The following EPB41L1 variants were observed in gnomAD, a reference collection of about 807,000 sequenced individuals.
The protein encoded by EPB41L1 is erythrocyte membrane protein band 4.1 like 1.
In EPB41L1, 29 loss-of-function variants were observed where a neutral mutation model predicts 97.8. That is an observed-to-expected ratio of 0.30 (90% CI 0.22 to 0.40). EPB41L1 has a LOEUF of 0.40. EPB41L1 is among the 10% of genes least tolerant of loss of function. EPB41L1 has a pLI of 1.00. For synonymous variants in EPB41L1, 383 were observed against 459.2 expected (o/e 0.83, Z 2.12); for missense variants, 812 against 1,162.3 (o/e 0.70, Z 4.38).
chr20:36,194,305 G>A lies in EPB41L1; in HGVS notation c.1394G>A (p.Arg465Gln), dbSNP rs371544808. Reference sequence around the variant, plus strand: ...GAGGATGGCGAGTCTGGGGGGCAACGGTCAGAGGCTGAGGAGGGAGAGGTC... The same window carrying A: ...GAGGATGGCGAGTCTGGGGGGCAACAGTCAGAGGCTGAGGAGGGAGAGGTC... ...RDEDGESGGQ[R>Q]SEAEEGEVRT... Residue 465 changes from arginine to glutamine, a missense_variant, in exon 12 of 22, where the codon CGG becomes CAG. Transcript: ENST00000338074. 1.3e-4 allele frequency: 210 copies of A among 1,613,972 alleles called. No homozygotes were observed. The highest frequency in any genetic ancestry group is 8.2e-4 in the South Asian group (75 of 91,060).
At chr20:36,229,203 G>C (rs2064367283) in intron 21 of EPB41L1, 129 bp from the exon 22 acceptor site, 8 of 769,906 alleles carry the variant, frequency 1.0e-5, no homozygotes, top group Admixed American at 2.1e-5. Context: ...ATATGGTAAA[G>C]GGTAGCAAAA....
chr20:36,143,324 C>A (rs2059714864), intron 2 of EPB41L1, among the ~76,000 whole-genome samples: 1 of 151,872 alleles, frequency 6.6e-6, no homozygotes, highest in Non-Finnish European at 1.5e-5. Flanking sequence ...GTGGGGGTAG[C>A]AGTATTTTTC....
intron 3 of EPB41L1, among the ~76,000 whole-genome samples, chr20:36,177,516 A>G (rs2061297439): frequency 6.6e-6 from 1 of 152,178 alleles, no homozygotes. Context: ...CTGAGCCCCA[A>G]GCCCTCCCCT....
chr20:36,149,073 G>A (rs1416761806), intron 2 of EPB41L1, among the ~76,000 whole-genome samples: 1 of 152,180 alleles, frequency 6.6e-6, no homozygotes, highest in Non-Finnish European at 1.5e-5. Flanking sequence ...CTTGGAGCAT[G>A]CCAGCACCAA....
intron 1 of EPB41L1, among the ~76,000 whole-genome samples, chr20:36,099,844 C>G (rs1483161655): frequency 6.6e-6 from 1 of 152,200 alleles, no homozygotes; most frequent in East Asian, 1.9e-4. Context: ...GAAGCAGGAG[C>G]TCAGGGCAGA....
At chr20:36,140,117 C>T (rs539200086) in intron 2 of EPB41L1, among the ~76,000 whole-genome samples, 124 of 152,046 alleles carry the variant, frequency 8.2e-4, no homozygotes, top group African/African-American at 2.8e-3. Context: ...TGCAGAAGCG[C>T]AATCTCTGCT....
intron 2 of EPB41L1, among the ~76,000 whole-genome samples, chr20:36,135,730 T>G (rs2059393318): frequency 6.6e-6 from 1 of 152,206 alleles, no homozygotes; most frequent in Non-Finnish European, 1.5e-5. Flanking sequence ...TGCCTGAAAG[T>G]TGCTGTCTCT....
intron 15 of EPB41L1, among the ~76,000 whole-genome samples, chr20:36,210,883 G>T (rs1032481069): frequency 1.3e-4 from 20 of 152,274 alleles, no homozygotes; most frequent in Admixed American, 6.5e-4. Flanking sequence ...GAATGGCTGG[G>T]TTACAGGGTT....
chr20:36,097,904 G>A (rs1448153818), intron 1 of EPB41L1, among the ~76,000 whole-genome samples: 3 of 152,222 alleles, frequency 2.0e-5, no homozygotes, highest in African/African-American at 7.2e-5. Flanking sequence ...AGCAAGTCCT[G>A]CAGACGGCAG....
chr20:36,104,992 T>C (rs937385091), intron 1 of EPB41L1, among the ~76,000 whole-genome samples: 1 of 152,064 alleles, frequency 6.6e-6, no homozygotes, highest in African/African-American at 2.4e-5. Context: ...CTAGGGTGTG[T>C]GCGTGATCCC....
upstream of EPB41L1, among the ~76,000 whole-genome samples, chr20:36,153,962 A>G (rs1337966859): frequency 6.6e-6 from 1 of 152,104 alleles, no homozygotes; most frequent in Admixed American, 6.5e-5. Flanking sequence ...CCTGGAGCTC[A>G]GGTGCACACT....
chr20:36,228,633 C>A (rs1304465956), intron 21 of EPB41L1, among the ~76,000 whole-genome samples: 4 of 152,188 alleles, frequency 2.6e-5, no homozygotes, highest in Non-Finnish European at 4.4e-5. Flanking sequence ...ACAGAGCTAG[C>A]AGGCCCATAG....
chr20:36,167,457 A>G (rs2060786067), intron 1 of EPB41L1, among the ~76,000 whole-genome samples: 1 of 152,180 alleles, frequency 6.6e-6, no homozygotes, highest in Non-Finnish European at 1.5e-5. Context: ...CTGTAATCCC[A>G]GCACTTTAGG....
intron 11 of EPB41L1, 84 bp from the exon 12 acceptor site, chr20:36,194,128 T>C: frequency 1.3e-6 from 2 of 1,585,298 alleles, no homozygotes; most frequent in East Asian, 2.2e-5. Context: ...ACTCCAGGCG[T>C]GGTTGGGCAG....
chr20:36,115,219 G>A (rs760754930), intron 2 of EPB41L1, among the ~76,000 whole-genome samples: 5 of 152,216 alleles, frequency 3.3e-5, no homozygotes, highest in Non-Finnish European at 7.3e-5. Flanking sequence ...CACACTTTGA[G>A]TAAGTAAGGG....
intron 1 of EPB41L1, among the ~76,000 whole-genome samples, chr20:36,161,960 C>T (rs1249830584): frequency 2.0e-5 from 3 of 152,162 alleles, no homozygotes; most frequent in South Asian, 2.1e-4. Context: ...GACAGTGTCT[C>T]GCTCTGTTGC....
At chr20:36,176,172 AG>A (rs1246457741) in intron 3 of EPB41L1, among the ~76,000 whole-genome samples, 3 of 152,166 alleles carry the variant, frequency 2.0e-5, no homozygotes, top group African/African-American at 7.2e-5. Flanking sequence ...TAGTCACCTG[AG>A]GGTTCTATGG....
chr20:36,161,725 T>C (rs1396874365), intron 1 of EPB41L1, among the ~76,000 whole-genome samples: 2 of 152,146 alleles, frequency 1.3e-5, no homozygotes, highest in Non-Finnish European at 2.9e-5. Flanking sequence ...TCTGCCTGCC[T>C]CAGCCTCCCA....
chr20:36,107,006 G>A (rs1402425150), intron 1 of EPB41L1, among the ~76,000 whole-genome samples: 1 of 151,890 alleles, frequency 6.6e-6, no homozygotes, highest in Non-Finnish European at 1.5e-5. Context: ...GTTTCGCCAT[G>A]TTGTCTGGGC....
Sources: allele counts gnomAD v4.1 joint callset (sites outside exome capture counted in the v4.1 genomes callset), GRCh38; gene constraint gnomAD v4.1.1; transcripts MANE v1.5; gene names NCBI Gene and HGNC (gene_info 2026-07-23, HGNC 2026-07-21).